The following RAD51B variants were observed in gnomAD, a reference collection of about 807,000 sequenced individuals.
RAD51B encodes the protein RAD51 paralog B.
Under a neutral mutation model 42.2 loss-of-function variants are expected in RAD51B, and 38 were observed. The ratio of observed to expected loss-of-function variants is 0.90; its 90% CI spans 0.70 to 1.18. The LOEUF is 1.18. Ranked by LOEUF, RAD51B falls within the 50% of genes most tolerant of loss-of-function variation. RAD51B has a pLI of 0.00. For missense variants in RAD51B, 373 were observed against 400.7 expected, an observed-to-expected ratio of 0.93 and a Z score of 0.59; for synonymous variants, 154 against 145.2, an observed-to-expected ratio of 1.06 and a Z score of -0.43.
intron 4 of RAD51B, among the ~76,000 whole-genome samples, chr14:67,841,373 G>T (rs1419545413): frequency 1.3e-5 from 2 of 152,102 alleles, no homozygotes; most frequent in African/African-American, 4.8e-5. Flanking sequence ...ATTCTGTAGG[G>T]CGTCCATTTA....
chr14:68,231,331 G>A (rs868599635), intron 7 of RAD51B, among the ~76,000 whole-genome samples: 1 of 151,926 alleles, frequency 6.6e-6, no homozygotes, highest in Middle Eastern at 3.4e-3. Context: ...CTCCAATCTT[G>A]TTTTCTCTCT....
chr14:68,638,382 C>T (rs1445107108), intron 10 of RAD51B, among the ~76,000 whole-genome samples: 1 of 152,140 alleles, frequency 6.6e-6, no homozygotes, highest in East Asian at 1.9e-4. Flanking sequence ...TTCTTGCGAG[C>T]CAGGCCAGGC....
Position 68,456,869 on chromosome 14 carries a change from A to ATTTTTTTTT in RAD51B, c.958-11259_958-11251dup, listed in dbSNP as rs71129889. 7.5e-5 allele frequency among the ~76,000 whole-genome samples: 5 copies of ATTTTTTTTT among 66,460 alleles called. 2 individuals are homozygous for ATTTTTTTTT. The highest frequency in any genetic ancestry group is 1.5e-4 in the Non-Finnish European group (5 of 32,922). 43.6% of individuals were successfully genotyped at this position (66,460 alleles called of 152,430 possible). A position where few individuals can be genotyped will look rare whatever the true frequency, so the allele number is the denominator to read the frequency against. On this transcript the variant is annotated intron_variant, in intron 9 of 10. Coordinates refer to ENST00000471583, the MANE Select transcript of RAD51B (RefSeq NM_133510.4). ...AAACTTCTCCAATCACAATGGAATG[A>ATTTTTTTTT]TTTTTTTTTTTTTTTTTTTTTTTTT...
chr14:67,994,473 T>C (rs1424967718), intron 7 of RAD51B, among the ~76,000 whole-genome samples: 1 of 152,218 alleles, frequency 6.6e-6, no homozygotes, highest in Non-Finnish European at 1.5e-5. Context: ...ATTAAGAGTG[T>C]ACCCTTTTAA....
intron 7 of RAD51B, among the ~76,000 whole-genome samples, chr14:67,979,841 A>G (rs894347322): frequency 1.3e-5 from 2 of 152,196 alleles, no homozygotes; most frequent in African/African-American, 2.4e-5. Context: ...TAGATGTTAA[A>G]TATATACTCT....
intron 7 of RAD51B, among the ~76,000 whole-genome samples, chr14:67,907,597 A>G (rs1254890065): frequency 4.6e-5 from 7 of 152,000 alleles, no homozygotes; most frequent in Non-Finnish European, 1.0e-4. Context: ...GAACATTCAC[A>G]TGTGGTTTTA....
At chr14:68,216,086 C>A (rs1051161041) in intron 7 of RAD51B, among the ~76,000 whole-genome samples, 3 of 152,042 alleles carry the variant, frequency 2.0e-5, no homozygotes, top group African/African-American at 4.8e-5. Flanking sequence ...AAAATAAGTT[C>A]TTATATTAAT....
intron 11 of RAD51B, among the ~76,000 whole-genome samples, chr14:68,672,043 A>G (rs1254043872): frequency 6.6e-6 from 1 of 152,182 alleles, no homozygotes; most frequent in East Asian, 1.9e-4. Context: ...CAGAGAAGCT[A>G]AACAATGTTC....
intron 7 of RAD51B, among the ~76,000 whole-genome samples, chr14:68,072,136 T>G (rs944426980): frequency 7.4e-6 from 1 of 135,986 alleles, no homozygotes; most frequent in African/African-American, 2.8e-5. Flanking sequence ...TATATATAAT[T>G]ATATATATAT....
At chr14:67,911,344 A>T (rs780987502) in intron 7 of RAD51B, among the ~76,000 whole-genome samples, 1 of 152,234 alleles carries the variant, frequency 6.6e-6, no homozygotes, top group African/African-American at 2.4e-5. Flanking sequence ...TTGAATCAAA[A>T]TCCATTTTAA....
At chr14:68,618,438 C>G (rs1891871399) in intron 10 of RAD51B, among the ~76,000 whole-genome samples, 1 of 152,218 alleles carries the variant, frequency 6.6e-6, no homozygotes, top group African/African-American at 2.4e-5. Flanking sequence ...CTTACAGGTA[C>G]TCTCTGTGGA....
chr14:68,096,806 A>ATGTG (rs111474104), intron 7 of RAD51B, among the ~76,000 whole-genome samples: 3,157 of 151,926 alleles, frequency 0.021, 115 homozygotes, highest in African/African-American at 0.07. Context: ...AATAAATGAT[A>ATGTG]TGTGTGTGTG....
intron 10 of RAD51B, among the ~76,000 whole-genome samples, chr14:68,492,746 T>C (rs1004466947): frequency 1.3e-5 from 2 of 152,194 alleles, no homozygotes; most frequent in African/African-American, 2.4e-5. Context: ...TAGTGAACTA[T>C]AGAAGTGATT....
At chr14:68,074,728 C>G (rs1002299595) in intron 7 of RAD51B, among the ~76,000 whole-genome samples, 1 of 152,164 alleles carries the variant, frequency 6.6e-6, no homozygotes, top group African/African-American at 2.4e-5. Context: ...TTTAGAGGGC[C>G]GAGGCTTTGT....
chr14:68,340,397 TG>T (rs2082548909), intron 8 of RAD51B, among the ~76,000 whole-genome samples: 1 of 152,298 alleles, frequency 6.6e-6, no homozygotes, highest in East Asian at 1.9e-4. Context: ...CTAGGACAGA[TG>T]GGCTCCTGGG....
intron 8 of RAD51B, among the ~76,000 whole-genome samples, chr14:68,405,101 A>G (rs977098764): frequency 6.6e-5 from 10 of 152,214 alleles, no homozygotes; most frequent in African/African-American, 2.4e-4. Context: ...TCATAGCCTC[A>G]TTCTGTCAAT....
At chr14:68,607,866 C>T (rs568411715) in intron 10 of RAD51B, among the ~76,000 whole-genome samples, 12 of 152,166 alleles carry the variant, frequency 7.9e-5, no homozygotes, top group Middle Eastern at 3.2e-3. Flanking sequence ...AGGACAGGCC[C>T]GGCCCTACAT....
intron 7 of RAD51B, among the ~76,000 whole-genome samples, chr14:68,123,777 C>T (rs970320447): frequency 4.6e-5 from 7 of 152,164 alleles, no homozygotes; most frequent in African/African-American, 1.7e-4. Context: ...CACTGCACTC[C>T]AGTCTGGGCA....
chr14:68,601,630 C>G (rs954479830), intron 10 of RAD51B, among the ~76,000 whole-genome samples: 1 of 152,182 alleles, frequency 6.6e-6, no homozygotes, highest in Non-Finnish European at 1.5e-5. Flanking sequence ...CAGATCTGCA[C>G]AGGGCTCCCA....
Sources: gnomAD v4.1 joint callset for allele counts (sites outside exome capture counted in the v4.1 genomes callset) on GRCh38, gnomAD v4.1.1 for gene constraint, MANE v1.5 for transcripts, NCBI Gene and HGNC (gene_info 2026-07-23, HGNC 2026-07-21) for gene names.